The following GPHN variants were observed in gnomAD, a reference collection of about 807,000 sequenced individuals.
The protein encoded by GPHN is gephyrin.
GPHN carries 17 observed loss-of-function variants against 95.5 expected under a neutral mutation model. That is an observed-to-expected ratio of 0.18 (90% confidence interval 0.12 to 0.27). The LOEUF is 0.27. Ranked by LOEUF, GPHN falls within the 10% of genes least tolerant of loss-of-function variation. GPHN has a pLI of 1.00. For synonymous variants in GPHN, 320 were observed against 322.5 expected (o/e 0.99, Z 0.08); for missense variants, 660 against 978.1 (o/e 0.67, Z 4.34).
At chr14:67,144,243 A>AT (rs2080697040) in intron 18 of GPHN, among the ~76,000 whole-genome samples, 1 of 66,046 alleles carries the variant, frequency 1.5e-5, no homozygotes, top group African/African-American at 1.7e-4. Context: ...TCTTAAAAAA[A>AT]AAAAAAAATA....
intron 2 of GPHN, among the ~76,000 whole-genome samples, chr14:66,745,987 A>G (rs2058134584): frequency 6.6e-6 from 1 of 152,084 alleles, no homozygotes; most frequent in Non-Finnish European, 1.5e-5. Flanking sequence ...TCTCTGAGAT[A>G]TATCCAAGTT....
chr14:67,676,554 A>G, the GPHN span, among the ~76,000 whole-genome samples: 1 of 152,160 alleles, frequency 6.6e-6, no homozygotes, highest in African/African-American at 2.4e-5. Context: ...ACAAAGCAAG[A>G]CGCTGTCTCT....
At chr14:67,064,388 A>G (rs1450733107) in intron 11 of GPHN, among the ~76,000 whole-genome samples, 2 of 152,146 alleles carry the variant, frequency 1.3e-5, no homozygotes, top group Non-Finnish European at 2.9e-5. Flanking sequence ...ATTGGTCTAA[A>G]ATTCTCTTTT....
intron 4 of GPHN, among the ~76,000 whole-genome samples, chr14:66,830,231 T>C (rs1231038348): frequency 6.6e-6 from 1 of 152,178 alleles, no homozygotes; most frequent in East Asian, 1.9e-4. Flanking sequence ...TTTGGTTCTT[T>C]AGTAATCCGA....
At chr14:67,542,309 T>TG in the GPHN span, among the ~76,000 whole-genome samples, 4 of 152,206 alleles carry the variant, frequency 2.6e-5, no homozygotes, top group African/African-American at 9.7e-5. Flanking sequence ...TTTCTCAGTG[T>TG]GGGGAAGGAC....
intron 2 of GPHN, among the ~76,000 whole-genome samples, chr14:66,684,329 A>T (rs555206677): frequency 1.3e-5 from 2 of 152,218 alleles, no homozygotes; most frequent in Admixed American, 1.3e-4. Context: ...GTAGTGTATT[A>T]TATGTCTTAA....
chr14:66,645,811 A>T (rs2064715964), intron 1 of GPHN, among the ~76,000 whole-genome samples: 1 of 152,028 alleles, frequency 6.6e-6, no homozygotes, highest in Non-Finnish European at 1.5e-5. Flanking sequence ...CTCATTAGAT[A>T]CTCAGACTAA....
chr14:67,324,247 T>A, the GPHN span, among the ~76,000 whole-genome samples: 45 of 152,310 alleles, frequency 3.0e-4, no homozygotes, highest in African/African-American at 9.6e-4. Flanking sequence ...AACAGAAAAA[T>A]TTTTTTAAAT....
chr14:66,653,817 C>T (rs2065175888), intron 1 of GPHN, among the ~76,000 whole-genome samples: 1 of 152,144 alleles, frequency 6.6e-6, no homozygotes, highest in Admixed American at 6.5e-5. Context: ...CACAGTCTAA[C>T]ATTCACTGAT....
At chr14:67,307,314 A>G in the GPHN span, among the ~76,000 whole-genome samples, 1 of 149,328 alleles carries the variant, frequency 6.7e-6, no homozygotes, top group South Asian at 2.2e-4. Context: ...TACTATAATA[A>G]TATGTAGGGA....
At chr14:67,017,631 CCTG>C (rs1346726293) in intron 9 of GPHN, among the ~76,000 whole-genome samples, 1 of 152,016 alleles carries the variant, frequency 6.6e-6, no homozygotes, top group East Asian at 1.9e-4. Context: ...TATAAAACAT[CCTG>C]CTCTCTTAGA....
At chr14:67,603,160 C>T in the GPHN span, among the ~76,000 whole-genome samples, 144 of 152,270 alleles carry the variant, frequency 9.5e-4, 1 homozygote, top group African/African-American at 3.4e-3. Context: ...GTCTCAACTT[C>T]CTGGGCTAAA....
intron 2 of GPHN, among the ~76,000 whole-genome samples, chr14:66,697,657 A>ATG (rs1364931967): frequency 6.8e-6 from 1 of 146,476 alleles, no homozygotes; most frequent in Admixed American, 6.9e-5. Context: ...CTGGCCTGCT[A>ATG]CTTGCCTTTT....
At chr14:67,302,465 G>A in the GPHN span, 1 of 1,599,580 alleles carries the variant, frequency 6.3e-7, no homozygotes, top group African/African-American at 1.3e-5. Context: ...ATAGTAAAAG[G>A]GGGTGCTGCA....
At chr14:66,761,336 A>G (rs2058746616) in intron 2 of GPHN, among the ~76,000 whole-genome samples, 1 of 152,230 alleles carries the variant, frequency 6.6e-6, no homozygotes, top group Admixed American at 6.5e-5. Context: ...ACTAGTGACA[A>G]AAATTCATGG....
At chr14:67,409,160 T>C in the GPHN span, among the ~76,000 whole-genome samples, 23 of 152,244 alleles carry the variant, frequency 1.5e-4, no homozygotes, top group African/African-American at 5.3e-4. Flanking sequence ...GGAGGATTGC[T>C]TGAGCCTGGG....
At chr14:67,699,790 G>A in the GPHN span, among the ~76,000 whole-genome samples, 2 of 152,000 alleles carry the variant, frequency 1.3e-5, no homozygotes, top group African/African-American at 4.8e-5. Context: ...TAATATGATT[G>A]TTTTTCTTTA....
At chr14:66,666,942 C>G (rs2065996962) in intron 1 of GPHN, among the ~76,000 whole-genome samples, 1 of 152,298 alleles carries the variant, frequency 6.6e-6, no homozygotes, top group Middle Eastern at 3.4e-3. Flanking sequence ...AGCAAAGTCT[C>G]AGGATACGCA....
chr14:66,854,040 A>G (rs2062700715), intron 4 of GPHN, among the ~76,000 whole-genome samples: 1 of 152,242 alleles, frequency 6.6e-6, no homozygotes, highest in Non-Finnish European at 1.5e-5. Context: ...ATCATCTTGT[A>G]TTCAATCAAG....
Sources: gnomAD v4.1 joint callset for allele counts (sites outside exome capture counted in the v4.1 genomes callset) on GRCh38, gnomAD v4.1.1 for gene constraint, MANE v1.5 for transcripts, NCBI Gene and HGNC (gene_info 2026-07-23, HGNC 2026-07-21) for gene names.